The following LAMB4 variants were observed in gnomAD, a reference collection of about 807,000 sequenced individuals.
LAMB4 encodes laminin subunit beta 4.
LAMB4 carries 196 observed loss-of-function variants against 199.2 expected under a neutral mutation model. That is an observed-to-expected ratio of 0.98 (90% CI 0.88 to 1.11). The LOEUF is 1.11. Ranked by LOEUF, LAMB4 falls within the 50% of genes least tolerant of loss-of-function variation. The probability of loss-of-function intolerance (pLI) is 0.00; values close to 1 mark genes in which losing one functional copy is unlikely to be tolerated. For synonymous variants in LAMB4, 744 were observed against 770.6 expected (o/e 0.97, Z 0.57); for missense variants, 2,080 against 2,171.2 (o/e 0.96, Z 0.83).
rs1563024882 is a variant in LAMB4, at chr7:108,025,440, T to TC, written c.5147-1263_5147-1262insG. 8.2e-4 allele frequency among the ~76,000 whole-genome samples: 100 copies of TC among 121,806 alleles called. 10 individuals carry two copies. The highest frequency in any genetic ancestry group is 3.9e-3 in the Middle Eastern group (1 of 256). 79.9% of individuals were successfully genotyped at this position (121,806 alleles called of 152,430 possible). On this transcript the variant is annotated intron_variant, in intron 33 of 33. Transcript: ENST00000388781. ...TTCTTCTTTCTTTCTTTCTTTTTTTTTTTTTGAGACAGAGTTTTGCTCTTG... is the reference window on the plus strand; with the variant it reads ...TTCTTCTTTCTTTCTTTCTTTTTTTTCTTTTTGAGACAGAGTTTTGCTCTTG...
chr7:108,025,379 T>TTTC lies in LAMB4; in HGVS notation c.5147-1202_5147-1201insGAA, dbSNP rs1554420491. Reference sequence around the variant, plus strand: ...TGTCACTAGATTCTTTCTTTCTTTCTTTTCTTTTCTTTTCTTTCTTTCTTT... The same window carrying TTTC: ...TGTCACTAGATTCTTTCTTTCTTTCTTTCTTTCTTTTCTTTTCTTTCTTTCTTT... On this transcript the variant is annotated intron_variant, in intron 33 of 33. Coordinates refer to ENST00000388781, the MANE Select transcript of LAMB4 (RefSeq NM_007356.3). Among the ~76,000 whole-genome samples, 5 of 104,628 alleles carry TTTC rather than the reference T, an allele frequency of 4.8e-5. No homozygotes were observed. In the African/African-American group the frequency reaches 4.8e-4, roughly 10 times the overall value. 68.6% of individuals were successfully genotyped at this position (104,628 alleles called of 152,430 possible). A position where few individuals can be genotyped will look rare whatever the true frequency, so the allele number is the denominator to read the frequency against.
Position 108,024,162 on chromosome 7 carries a change from G to A in LAMB4, c.5163C>T (p.Ile1721=). The part of the protein sequence containing the change: ...IRRITDLERK[I]QDLNLSRQAK... ...CTTGTCTACTTAGATTCAAATCTTGGATTTTCCTTTCTAAATCTGAAAGAA... is the reference window on the plus strand; with the variant it reads ...CTTGTCTACTTAGATTCAAATCTTGAATTTTCCTTTCTAAATCTGAAAGAA... Residue 1721 remains isoleucine (I), a synonymous_variant, in exon 34 of 34, where the codon ATC becomes ATT. Transcript: ENST00000388781. 2 of 1,561,234 alleles carry A rather than the reference G, an allele frequency of 1.3e-6. No homozygotes were observed. The highest frequency in any genetic ancestry group is 1.2e-5 in the South Asian group (1 of 83,646).
intron 33 of LAMB4, 73 bp downstream of exon 33, chr7:108,028,970 A>G: frequency 5.1e-6 from 7 of 1,381,828 alleles, no homozygotes; most frequent in Non-Finnish European, 7.0e-6. Context: ...TGACATTGGT[A>G]TAAATTCTAC....
Position 108,024,279 on chromosome 7 carries a change from A to AT in LAMB4, c.5147-102dup, listed in dbSNP as rs1489734782. 7 of 574,680 alleles carry AT rather than the reference A, an allele frequency of 1.2e-5. No homozygotes were observed. The East Asian group carries it at 2.3e-4, about 19-fold the overall frequency. The allele number at this position is 574,680 out of a possible 1,614,324, so 35.6% of individuals were successfully genotyped here. ...ACAGGGATTTATGCGCCTCTCAAAG[A>AT]TATATTTAGTTTTCTGTTTGGATTC... On this transcript the variant is annotated intron_variant, in intron 33 of 33. Transcript: ENST00000388781.
chr7:108,066,719 A>T, intron 19 of LAMB4, 119 bp from the exon 20 acceptor site: 1 of 656,070 alleles, frequency 1.5e-6, no homozygotes, highest in Non-Finnish European at 2.7e-6. Context: ...CAAGCCTGTA[A>T]CGTGCTTAGG....
Position 108,069,227 on chromosome 7 carries a change from G to A in LAMB4, c.2302+481C>T, listed in dbSNP as rs754704080. On this transcript the variant is annotated intron_variant, in intron 18 of 33. Coordinates refer to ENST00000388781, the MANE Select transcript of LAMB4 (RefSeq NM_007356.3). Reference sequence around the variant, plus strand: ...GTCACAACTAGGGGAGGGCAGTACCGGTATAGGATCTGCAGGGCTGCTGCT... The same window carrying A: ...GTCACAACTAGGGGAGGGCAGTACCAGTATAGGATCTGCAGGGCTGCTGCT... Among the ~76,000 whole-genome samples, 4 of 152,300 alleles carry A rather than the reference G, an allele frequency of 2.6e-5. 1 individual carries two copies. The highest frequency in any genetic ancestry group is 1.3e-4 in the Admixed American group (2 of 15,290).
intron 23 of LAMB4, among the ~76,000 whole-genome samples, chr7:108,060,951 A>G (rs578223085): frequency 7.9e-5 from 12 of 152,330 alleles, no homozygotes; most frequent in Non-Finnish European, 1.3e-4. Flanking sequence ...ACTTGATGAT[A>G]TAACAGTCTG....
rs749794833 is a variant in LAMB4 at position 108,103,013 on chromosome 7, G to T, written c.1180+31C>A. On this transcript the variant is annotated intron_variant, in intron 10 of 33. Coordinates refer to ENST00000388781, the MANE Select transcript of LAMB4 (RefSeq NM_007356.3). The stretch of plus-strand genomic sequence containing the variant: ...TCAAACTGAACTTTGCTCAGACAGT[G>T]GGTAGGATCCAGGCAGACCCGGGGA... 5.3e-6 allele frequency: 8 copies of T among 1,519,806 alleles called. No homozygotes were observed. The South Asian group carries it at 9.0e-5, about 17-fold the overall frequency. 94.1% of individuals were successfully genotyped at this position (1,519,806 alleles called of 1,614,324 possible). A position where few individuals can be genotyped will look rare whatever the true frequency, so the allele number is the denominator to read the frequency against.
chr7:108,093,522 T>C (rs2037488031), intron 12 of LAMB4, among the ~76,000 whole-genome samples: 1 of 152,240 alleles, frequency 6.6e-6, no homozygotes, highest in South Asian at 2.1e-4. Flanking sequence ...CATTTGTTTA[T>C]CAATCAGTTG....
Position 108,052,208 on chromosome 7 carries a change from G to A in LAMB4, c.3805C>T (p.Gln1269Ter). The stretch of plus-strand genomic sequence containing the variant: ...CTTTCTATTGTATCTTTCAGATCTT[G>A]AAATTCATACACTGCTTTCAGTTGT... ...NEQLKAVYEF[Q>*]DLKDTIERAK... The change falls in exon 26 of 34, where the codon CAA becomes TAA. Residue 1269 changes from glutamine (Q) to a stop codon, truncating the protein, a stop_gained. Transcript: ENST00000388781. LOFTEE classifies it high-confidence loss of function. 6.2e-7 allele frequency: 1 copy of A among 1,610,868 alleles called. No homozygotes were observed. Among genetic ancestry groups the A allele is most frequent in the Non-Finnish European group, 8.5e-7 (1 of 1,178,476 alleles).
chr7:108,040,205 G>A (rs1318017334), intron 29 of LAMB4, among the ~76,000 whole-genome samples: 1 of 152,122 alleles, frequency 6.6e-6, no homozygotes, highest in African/African-American at 2.4e-5. Flanking sequence ...GCTAACCAGG[G>A]AGGTGAAAGA....
chr7:108,123,305 C>T, intron 1 of LAMB4, 108 bp from the exon 2 acceptor site: 1 of 594,548 alleles, frequency 1.7e-6, no homozygotes, highest in Non-Finnish European at 2.9e-6. Flanking sequence ...ATGCTTTAGA[C>T]ATACGAAATA....
chr7:108,078,328 T>G lies in LAMB4; in HGVS notation c.1888-12A>C. ...CAGTCAGCTGCAGACTAGACAGGCA[T>G]GACATTAAGGCATGTCACTGCAAGG... On this transcript the variant is annotated splice_polypyrimidine_tract_variant and intron_variant, in intron 15 of 33. Transcript: ENST00000388781. 2.7e-6 allele frequency: 4 copies of G among 1,500,238 alleles called. No individual in the cohort carries two copies. Among genetic ancestry groups the G allele is most frequent in the Non-Finnish European group, 3.7e-6 (4 of 1,082,592 alleles). The allele number at this position is 1,500,238 out of a possible 1,614,324, so 92.9% of individuals were successfully genotyped here.
chr7:108,118,205 T>C (rs1401174196), intron 2 of LAMB4, among the ~76,000 whole-genome samples: 2 of 152,190 alleles, frequency 1.3e-5, no homozygotes, highest in African/African-American at 4.8e-5. Flanking sequence ...TCCTGTTTGA[T>C]TCTGGAGGCC....
At chr7:108,039,720 C>T (rs979142792) in intron 29 of LAMB4, among the ~76,000 whole-genome samples, 2 of 152,116 alleles carry the variant, frequency 1.3e-5, no homozygotes, top group African/African-American at 4.8e-5. Context: ...CCGCCTGCCT[C>T]GGCCTCCCAA....
chr7:108,038,457 C>T (rs1022123130), intron 29 of LAMB4, among the ~76,000 whole-genome samples: 3 of 152,148 alleles, frequency 2.0e-5, no homozygotes, highest in Non-Finnish European at 4.4e-5. Context: ...ACTGTGCCCC[C>T]CAAAGAAACT....
rs138995900 is a variant in LAMB4, at chr7:108,079,727, A to G, written c.1761T>C (p.Pro587=). 1,404 of 1,611,176 alleles carry G rather than the reference A, an allele frequency of 8.7e-4. 6 individuals are homozygous for G. The Middle Eastern group carries it at 0.011, about 13-fold the overall frequency. Residue 587 remains proline (P), a synonymous_variant, in exon 15 of 34, where the codon CCT becomes CCC. Transcript: ENST00000388781. The part of the protein sequence containing the change: ...AVHVVLGEPV[P]GNPVTWTGPG... The stretch of plus-strand genomic sequence containing the variant: ...GTCCAGTCCATGTAACAGGGTTCCC[A>G]GGAACTGGCTCTCCTAAAACAACGT...
At chr7:108,032,405 A>T (rs1243521663) in intron 31 of LAMB4, among the ~76,000 whole-genome samples, 1 of 152,114 alleles carries the variant, frequency 6.6e-6, no homozygotes, top group South Asian at 2.1e-4. Flanking sequence ...AATAAAAAAA[A>T]AAAATCTTTA....
chr7:108,074,830 C>A (rs1272676728), intron 17 of LAMB4, among the ~76,000 whole-genome samples: 1 of 152,094 alleles, frequency 6.6e-6, no homozygotes, highest in Non-Finnish European at 1.5e-5. Context: ...TACTTCCTGG[C>A]CCATATATAC....
Sources: gnomAD v4.1 joint callset for allele counts (sites outside exome capture counted in the v4.1 genomes callset) on GRCh38, gnomAD v4.1.1 for gene constraint, MANE v1.5 for transcripts, NCBI Gene and HGNC (gene_info 2026-07-23, HGNC 2026-07-21) for gene names.